MCPH1: variants seen among roughly 807,000 people sequenced by gnomAD.
MCPH1 encodes the protein microcephalin.
A neutral mutation model predicts 84.5 loss-of-function variants in MCPH1; 104 were observed. The observed-to-expected ratio is 1.23, with a 90% CI of 1.05 to 1.45. MCPH1 has a LOEUF of 1.45. MCPH1 is among the 40% of genes most tolerant of loss of function. The pLI is 0.00. For synonymous variants in MCPH1, 514 were observed against 366.8 expected (o/e 1.40, Z -4.58); for missense variants, 1,498 against 1,005.7 (o/e 1.49, Z -6.62).
chr8:6,489,226 C>T (rs940119561), intron 11 of MCPH1, among the ~76,000 whole-genome samples: 1 of 151,830 alleles, frequency 6.6e-6, no homozygotes, highest in Non-Finnish European at 1.5e-5. Flanking sequence ...GCCATGGTAC[C>T]TGGAAGGGAG....
intron 3 of MCPH1, among the ~76,000 whole-genome samples, chr8:6,418,847 TGG>T (rs1373507413): frequency 1.3e-5 from 2 of 152,236 alleles, no homozygotes; most frequent in African/African-American, 4.8e-5. Flanking sequence ...CCCAAAGTAC[TGG>T]GATTGTAGGC....
chr8:6,484,047 A>G (rs991798509), intron 11 of MCPH1, among the ~76,000 whole-genome samples: 2 of 152,250 alleles, frequency 1.3e-5, no homozygotes, highest in Non-Finnish European at 2.9e-5. Context: ...CACCAAAAGC[A>G]TGATGAATAA....
At chr8:6,613,957 G>C (rs995347433) in intron 12 of MCPH1, among the ~76,000 whole-genome samples, 27 of 152,132 alleles carry the variant, frequency 1.8e-4, no homozygotes, top group African/African-American at 6.3e-4. Flanking sequence ...CACCAGAATA[G>C]TTAATGGTGT....
intron 12 of MCPH1, among the ~76,000 whole-genome samples, chr8:6,565,275 TG>T (rs1826061224): frequency 6.6e-6 from 1 of 152,254 alleles, no homozygotes; most frequent in African/African-American, 2.4e-5. Context: ...CTCCATTAAA[TG>T]GGGATCAGTT....
intron 4 of MCPH1, among the ~76,000 whole-genome samples, chr8:6,433,797 A>G (rs1480862758): frequency 2.6e-5 from 4 of 152,050 alleles, no homozygotes; most frequent in African/African-American, 9.6e-5. Flanking sequence ...TCTTTTCCAA[A>G]TGTAATTGCA....
At chr8:6,458,490 A>C (rs1805939461) in intron 9 of MCPH1, among the ~76,000 whole-genome samples, 1 of 151,406 alleles carries the variant, frequency 6.6e-6, no homozygotes, top group Non-Finnish European at 1.5e-5. Context: ...AAAAAAAGAA[A>C]AAAAAAAATT....
At chr8:6,583,813 CT>C (rs200119646) in intron 12 of MCPH1, among the ~76,000 whole-genome samples, 233 of 112,114 alleles carry the variant, frequency 2.1e-3, no homozygotes, top group African/African-American at 4.0e-3. Context: ...GTCTCGGAGT[CT>C]TTTTTTTTTT....
chr8:6,642,328 G>A (rs887686075), intron 13 of MCPH1, among the ~76,000 whole-genome samples: 2 of 152,092 alleles, frequency 1.3e-5, no homozygotes, highest in African/African-American at 4.8e-5. Flanking sequence ...AGAGGGAGGG[G>A]TTGTTTCCGC....
Position 6,433,630 on chromosome 8 carries a change from CAAAA to C in MCPH1, c.321+2066_321+2069del, listed in dbSNP as rs60661127. ...CCTGGGCGACAGCAAGGCTCTGTCTCAAAAAAAAAAAAAAAAAAAAAAAAACCTA... is the reference window on the plus strand; with the variant it reads ...CCTGGGCGACAGCAAGGCTCTGTCTCAAAAAAAAAAAAAAAAAAAAACCTA... On this transcript the variant is annotated intron_variant, in intron 4 of 13. Coordinates refer to ENST00000344683, the MANE Select transcript of MCPH1 (RefSeq NM_024596.5). Among the ~76,000 whole-genome samples, 25 of 40,888 alleles carry C rather than the reference CAAAA, an allele frequency of 6.1e-4. No individual in the cohort carries two copies. In the East Asian group the frequency reaches 0.013, roughly 22 times the overall value. The allele number at this position is 40,888 out of a possible 152,430, so 26.8% of individuals were successfully genotyped here. A position where few individuals can be genotyped will look rare whatever the true frequency, so the allele number is the denominator to read the frequency against.
chr8:6,611,671 T>A (rs546162955), intron 12 of MCPH1, among the ~76,000 whole-genome samples: 8 of 152,080 alleles, frequency 5.3e-5, no homozygotes, highest in Admixed American at 2.0e-4. Context: ...CAGGCTGGAG[T>A]GCAGTGGCGC....
intron 12 of MCPH1, among the ~76,000 whole-genome samples, chr8:6,611,104 ACACACACACTCTCT>A (rs1017311918): frequency 2.0e-5 from 3 of 146,832 alleles, no homozygotes; most frequent in African/African-American, 8.0e-5. Context: ...ACACACACAT[ACACACACACTCTCT>A]CACACACACA....
chr8:6,626,550 CAA>C (rs1832100812), intron 13 of MCPH1: 1 of 966,828 alleles, frequency 1.0e-6, no homozygotes, highest in African/African-American at 1.9e-5. Context: ...AACGGGAAAA[CAA>C]AAATCAAATT....
chr8:6,519,191 C>G (rs1262233784), intron 12 of MCPH1, among the ~76,000 whole-genome samples: 1 of 152,214 alleles, frequency 6.6e-6, no homozygotes, highest in African/African-American at 2.4e-5. Context: ...CCCAGCGGTT[C>G]TCATGGTGTG....
chr8:6,523,149 C>A (rs1563340872), intron 12 of MCPH1, among the ~76,000 whole-genome samples: 1 of 152,072 alleles, frequency 6.6e-6, no homozygotes, highest in Non-Finnish European at 1.5e-5. Context: ...AGGCGCATGT[C>A]ACCATGTCAG....
At chr8:6,592,632 T>G (rs1828575444) in intron 12 of MCPH1, among the ~76,000 whole-genome samples, 1 of 141,688 alleles carries the variant, frequency 7.1e-6, no homozygotes, top group African/African-American at 2.6e-5. Flanking sequence ...TGTTTTTTTT[T>G]TTTTTTTTTT....
Position 6,445,209 on chromosome 8 carries a change from C to G in MCPH1, c.1487C>G (p.Ser496Trp), listed in dbSNP as rs549929887. Reference protein sequence around the residue: ...KTGNGEGRATSSCVTSAPEEA... With the variant: ...KTGNGEGRATWSCVTSAPEEA... ...GGAAATGGTGAAGGCCGTGCAACTT[C>G]GAGTTGCGTGACTTCTGCCCCTGAA... is the stretch of plus-strand genomic sequence containing the variant. The change falls in exon 8 of 14, where the codon TCG (serine) becomes TGG (tryptophan). Residue 496 changes from serine (S) to tryptophan (W), a missense_variant. Coordinates refer to ENST00000344683, the MANE Select transcript of MCPH1 (RefSeq NM_024596.5). 8 of 1,614,250 alleles carry G rather than the reference C, an allele frequency of 5.0e-6. No homozygotes were observed. In the Admixed American group the frequency reaches 6.7e-5, roughly 13 times the overall value.
At chr8:6,640,405 G>T (rs951181629) in intron 13 of MCPH1, among the ~76,000 whole-genome samples, 1 of 151,982 alleles carries the variant, frequency 6.6e-6, no homozygotes. Flanking sequence ...TGGGTGATCC[G>T]ATTAGTTAAA....
chr8:6,607,158 T>G (rs571469427), intron 12 of MCPH1, among the ~76,000 whole-genome samples: 1 of 152,300 alleles, frequency 6.6e-6, no homozygotes, highest in African/African-American at 2.4e-5. Context: ...CCTTCTCCCC[T>G]GGGGCAGGTT....
At chr8:6,588,695 T>C (rs933095078) in intron 12 of MCPH1, among the ~76,000 whole-genome samples, 18 of 152,260 alleles carry the variant, frequency 1.2e-4, no homozygotes, top group African/African-American at 4.3e-4. Context: ...AAGTCAATAG[T>C]CAACCTCAGT....
Sources: gnomAD v4.1 joint callset for allele counts (sites outside exome capture counted in the v4.1 genomes callset) on GRCh38, gnomAD v4.1.1 for gene constraint, MANE v1.5 for transcripts, NCBI Gene and HGNC (gene_info 2026-07-23, HGNC 2026-07-21) for gene names.